The following GPHN variants were observed in gnomAD, a reference collection of about 807,000 sequenced individuals.
GPHN encodes the protein gephyrin.
GPHN carries 17 observed loss-of-function variants against 95.5 expected under a neutral mutation model. The observed-to-expected ratio is 0.18, with a 90% confidence interval of 0.12 to 0.27. The LOEUF is 0.27. GPHN is among the 10% of genes least tolerant of loss of function. The probability of loss-of-function intolerance (pLI) is 1.00; values close to 1 mark genes in which losing one functional copy is unlikely to be tolerated. For synonymous variants in GPHN, 320 were observed against 322.5 expected (o/e 0.99, Z 0.08); for missense variants, 660 against 978.1 (o/e 0.67, Z 4.34).
chr14:67,025,294 G>A (rs958929824), intron 10 of GPHN, among the ~76,000 whole-genome samples: 1 of 152,064 alleles, frequency 6.6e-6, no homozygotes, highest in Admixed American at 6.6e-5. Context: ...ATCTCTGTAA[G>A]GGGTACGTTC....
chr14:67,665,897 G>A, the GPHN span, among the ~76,000 whole-genome samples: 1 of 152,206 alleles, frequency 6.6e-6, no homozygotes, highest in Non-Finnish European at 1.5e-5. Context: ...CAAATGGTAT[G>A]ACTCTTGACC....
chr14:67,429,976 G>T, the GPHN span, among the ~76,000 whole-genome samples: 1 of 152,080 alleles, frequency 6.6e-6, no homozygotes, highest in Non-Finnish European at 1.5e-5. Flanking sequence ...TCAAGATCAC[G>T]TGGCTCATAA....
At chr14:66,902,608 G>A (rs1358789271) in intron 5 of GPHN, among the ~76,000 whole-genome samples, 1 of 152,028 alleles carries the variant, frequency 6.6e-6, no homozygotes, top group East Asian at 1.9e-4. Context: ...TGTTTTTACA[G>A]CATATATTGA....
intron 4 of GPHN, among the ~76,000 whole-genome samples, chr14:66,861,505 A>T (rs575641364): frequency 1.1e-4 from 16 of 152,238 alleles, no homozygotes; most frequent in African/African-American, 3.4e-4. Context: ...GACCTAATAG[A>T]TGTTTACAGA....
chr14:67,432,889 A>G, the GPHN span, among the ~76,000 whole-genome samples: 1 of 151,884 alleles, frequency 6.6e-6, no homozygotes, highest in Non-Finnish European at 1.5e-5. Context: ...TCTCTTTTAT[A>G]AAGTTCCCAG....
At chr14:67,117,385 A>G (rs572418681) in intron 16 of GPHN, among the ~76,000 whole-genome samples, 9 of 152,354 alleles carry the variant, frequency 5.9e-5, no homozygotes, top group South Asian at 4.1e-4. Context: ...CTTTTTAGAA[A>G]GATAAATGTG....
chr14:67,301,784 T>C, the GPHN span, among the ~76,000 whole-genome samples: 1 of 152,206 alleles, frequency 6.6e-6, no homozygotes, highest in Admixed American at 6.5e-5. Context: ...TTAGTAAGCA[T>C]TTTAGACTTT....
At chr14:67,699,589 CAAAAA>C in the GPHN span, among the ~76,000 whole-genome samples, 56 of 50,808 alleles carry the variant, frequency 1.1e-3, no homozygotes, top group African/African-American at 4.2e-3. Context: ...GACCCTATCT[CAAAAA>C]AAAAAAAAAA....
chr14:66,746,870 A>G (rs1414742538), intron 2 of GPHN, among the ~76,000 whole-genome samples: 5 of 152,058 alleles, frequency 3.3e-5, no homozygotes, highest in African/African-American at 1.2e-4. Flanking sequence ...CCTCCCTCAG[A>G]GTTTTGACTC....
intron 2 of GPHN, among the ~76,000 whole-genome samples, chr14:66,755,905 A>G (rs1428652919): frequency 6.6e-6 from 1 of 152,190 alleles, no homozygotes; most frequent in Non-Finnish European, 1.5e-5. Flanking sequence ...GAGCAAGAGA[A>G]GTACAACAAT....
chr14:67,393,167 T>A, the GPHN span: 1 of 1,613,186 alleles, frequency 6.2e-7, no homozygotes, highest in Non-Finnish European at 8.5e-7. Context: ...GGTCTTTTTA[T>A]AGGTGCTTCC....
the GPHN span, chr14:67,557,226 TGTGA>T: frequency 6.3e-7 from 1 of 1,582,052 alleles, no homozygotes; most frequent in Non-Finnish European, 8.7e-7. Context: ...GCACACCCCG[TGTGA>T]GTGATGGGAA....
intron 4 of GPHN, among the ~76,000 whole-genome samples, chr14:66,836,522 C>T (rs1390538900): frequency 1.4e-4 from 19 of 138,662 alleles, no homozygotes; most frequent in Non-Finnish European, 2.7e-4. Context: ...CCATTCAGGA[C>T]ATAGGCATGG....
At chr14:67,194,475 C>T in the GPHN span, among the ~76,000 whole-genome samples, 1 of 151,872 alleles carries the variant, frequency 6.6e-6, no homozygotes, top group East Asian at 1.9e-4. Flanking sequence ...ATGATGGCTT[C>T]ACAGAACCAT....
the GPHN span, among the ~76,000 whole-genome samples, chr14:67,413,641 C>A: frequency 6.6e-6 from 1 of 152,280 alleles, no homozygotes; most frequent in African/African-American, 2.4e-5. Flanking sequence ...TTACATCCCC[C>A]CAACCCCACT....
At chr14:67,619,004 A>G in the GPHN span, among the ~76,000 whole-genome samples, 24 of 152,300 alleles carry the variant, frequency 1.6e-4, no homozygotes, top group South Asian at 4.6e-3. Flanking sequence ...CTTGCATGCC[A>G]TGGTGTCTTG....
At chr14:66,943,075 C>A (rs13379445) in intron 8 of GPHN, among the ~76,000 whole-genome samples, 22,241 of 152,056 alleles carry the variant, frequency 0.15, 3,101 homozygotes, top group East Asian at 0.43. Flanking sequence ...CATATAATAC[C>A]TTTTTGAATT....
chr14:67,362,359 C>T, the GPHN span, among the ~76,000 whole-genome samples: 3 of 152,040 alleles, frequency 2.0e-5, no homozygotes, highest in Admixed American at 1.3e-4. Flanking sequence ...GTGCTTAGTA[C>T]ATAGTAGCTA....
At chr14:67,454,665 G>A in the GPHN span, 6 of 152,200 alleles carry the variant, frequency 3.9e-5, no homozygotes, top group Non-Finnish European at 5.9e-5. Flanking sequence ...AGGAGCTCAC[G>A]AATGGAGAGA....
Sources: gnomAD v4.1 joint callset for allele counts (sites outside exome capture counted in the v4.1 genomes callset) on GRCh38, gnomAD v4.1.1 for gene constraint, MANE v1.5 for transcripts, NCBI Gene and HGNC (gene_info 2026-07-23, HGNC 2026-07-21) for gene names.